The following GRIN1 variants were observed in gnomAD, a reference collection of about 807,000 sequenced individuals.
The protein encoded by GRIN1 is glutamate receptor ionotropic, NMDA 1.
In GRIN1, 38 loss-of-function variants were observed where a neutral mutation model predicts 103.0. The observed-to-expected ratio is 0.37, with a 90% CI of 0.28 to 0.48. The LOEUF is 0.48. Ranked by LOEUF, GRIN1 falls within the 20% of genes least tolerant of loss-of-function variation. The pLI is 0.98. For synonymous variants in GRIN1, 544 were observed against 532.7 expected (o/e 1.02, Z -0.29); for missense variants, 577 against 1,288.9 (o/e 0.45, Z 8.46).
At chr9:137,165,532 G>T in intron 19 of GRIN1, 1 of 560,934 alleles carries the variant, frequency 1.8e-6, no homozygotes. Flanking sequence ...TAGTCTGCCC[G>T]CCCACCTCCC....
chr9:137,161,582 C>T (rs1833544752), intron 10 of GRIN1, among the ~76,000 whole-genome samples, 166 bp downstream of exon 10: 1 of 100,438 alleles, frequency 1.0e-5, no homozygotes, highest in South Asian at 3.6e-4. Context: ...GTGGGTAAAG[C>T]ATGGGGTGGG....
chr9:137,150,572 C>G (rs1481979590), intron 4 of GRIN1, among the ~76,000 whole-genome samples: 1 of 143,092 alleles, frequency 7.0e-6, no homozygotes, highest in Non-Finnish European at 1.5e-5. Context: ...AAGACCTGCC[C>G]AGGGAAAGCC....
rs748581581 is a variant in GRIN1, at chr9:137,158,361, C to T, written c.969-18C>T. On this transcript the variant is annotated intron_variant, in intron 6 of 19. Coordinates refer to ENST00000371561, the MANE Select transcript of GRIN1 (RefSeq NM_007327.4). ...AAGGAGCATCTCTGAGAAGCCTCAGCTATGCTTCCTTCCCTAGAGTGCTGA... is the reference window on the plus strand; with the variant it reads ...AAGGAGCATCTCTGAGAAGCCTCAGTTATGCTTCCTTCCCTAGAGTGCTGA... 1.9e-6 allele frequency: 3 copies of T among 1,612,708 alleles called. No individual in the cohort carries two copies. In the South Asian group the frequency reaches 3.3e-5, roughly 18 times the overall value.
intron 2 of GRIN1, among the ~76,000 whole-genome samples, chr9:137,143,357 G>A (rs1347465971): frequency 3.3e-5 from 5 of 152,228 alleles, no homozygotes; most frequent in South Asian, 2.1e-4. Flanking sequence ...GTGCCCCCTC[G>A]GCACCCAAAC....
chr9:137,161,039 C>A lies in GRIN1; in HGVS notation c.1198-17C>A, dbSNP rs780815757. The stretch of plus-strand genomic sequence containing the variant: ...CTTAGGTCGGTGGTCCAGGCTGGGT[C>A]TCCCCTTCCCCCCCAGATTGTGACG... On this transcript the variant is annotated splice_polypyrimidine_tract_variant and intron_variant, in intron 8 of 19. Transcript: ENST00000371561. 2.5e-6 allele frequency: 4 copies of A among 1,612,482 alleles called. 1 individual carries two copies. In the Admixed American group the frequency reaches 6.7e-5, roughly 27 times the overall value.
intron 15 of GRIN1, 33 bp from the exon 16 acceptor site, chr9:137,163,136 C>A (rs749120748): frequency 6.2e-7 from 1 of 1,609,552 alleles, no homozygotes; most frequent in Non-Finnish European, 8.5e-7. Context: ...GCTGGCAGGA[C>A]CAAGGCCCCC....
Position 137,156,739 on chromosome 9 carries a change from C to A in GRIN1, c.742C>A (p.Leu248Met). 1 of 1,587,532 alleles carries A rather than the reference C, an allele frequency of 6.3e-7. No individual in the cohort carries two copies. The highest frequency in any genetic ancestry group is 8.6e-7 in the Non-Finnish European group (1 of 1,168,300). ...CATGACGGGCTCCGGGTACGTGTGG[C>A]TGGTCGGCGAGCGCGAGATCTCGGG... ...LNMTGSGYVW[L>M]VGEREISGNA... The change falls in exon 5 of 20, where the codon CTG becomes ATG. Residue 248 changes from leucine to methionine, a missense_variant. This residue lies in a region of GRIN1 where 308 missense variants were observed against 553.6 expected (regional missense o/e 0.56). Coordinates refer to ENST00000371561, the MANE Select transcript of GRIN1 (RefSeq NM_007327.4).
Position 137,156,688 on chromosome 9 carries a change from G to C in GRIN1, c.691G>C (p.Val231Leu), listed in dbSNP as rs1472478100. The C allele has an allele frequency of 6.3e-7, 1 of 1,599,044 alleles. No individual in the cohort carries two copies. Among genetic ancestry groups the C allele is most frequent in the African/African-American group, 1.3e-5 (1 of 74,678 alleles). ...CCACAGCGAGGACGATGCTGCCACT[G>C]TATACCGCGCAGCCGCGATGCTGAA... is the stretch of plus-strand genomic sequence containing the variant. ...LSASEDDAAT[V>L]YRAAAMLNMT... Residue 231 changes from valine to leucine, a missense_variant, in exon 5 of 20, where the codon GTA becomes CTA. Transcript: ENST00000371561.
At chr9:137,148,084 C>T (rs945023730) in intron 3 of GRIN1, 72 of 1,060,580 alleles carry the variant, frequency 6.8e-5, no homozygotes, top group Non-Finnish European at 9.0e-5. Flanking sequence ...GCTTTAGCGC[C>T]GTCATTTTCA....
rs769694271 is a variant in GRIN1 at position 137,142,050 on chromosome 9, A to G, written c.296A>G (p.Asn99Ser). Residue 99 changes from asparagine (N) to serine (S), a missense_variant, in exon 2 of 20, where the codon AAC becomes AGC. Asn to Ser is a conservative substitution (Grantham distance 46, BLOSUM62 1). Coordinates refer to ENST00000371561, the MANE Select transcript of GRIN1 (RefSeq NM_007327.4). ...CTAGTTAGCCATCCACCTACCCCCA[A>G]CGACCACTTCACTCCCACCCCTGTC... ...AILVSHPPTP[N>S]DHFTPTPVSY... The G allele has an allele frequency of 1.2e-6, 2 of 1,613,750 alleles. No homozygotes were observed. The highest frequency in any genetic ancestry group is 1.7e-6 in the Non-Finnish European group (2 of 1,179,858).
In GRIN1 at chr9:137,146,973, C is replaced by G. The variant is rs1014618209; in HGVS notation, c.570+1071C>G. 6.6e-6 allele frequency among the ~76,000 whole-genome samples: 1 copy of G among 151,638 alleles called. No individual in the cohort carries two copies. The highest frequency in any genetic ancestry group is 2.1e-4 in the South Asian group (1 of 4,808). On this transcript the variant is annotated intron_variant, in intron 3 of 19. Coordinates refer to ENST00000371561, the MANE Select transcript of GRIN1 (RefSeq NM_007327.4). The surrounding 1 kb of genome is among the most constrained non-coding windows in gnomAD (Gnocchi z 6.7). ...GGGGAGGGGCATGGGCACCAAGGGC[C>G]CCACCCAAGACAGTGCCCCTCACCC... is the stretch of plus-strand genomic sequence containing the variant.
intron 19 of GRIN1, 132 bp from the exon 20 acceptor site, chr9:137,167,279 C>T: frequency 1.4e-6 from 1 of 718,784 alleles, no homozygotes; most frequent in Non-Finnish European, 2.5e-6. Flanking sequence ...AGGGTGGGGT[C>T]AGTCCGGCTG....
chr9:137,158,355 C>A, intron 6 of GRIN1, 24 bp from the exon 7 acceptor site: 1 of 1,612,112 alleles, frequency 6.2e-7, no homozygotes, highest in Non-Finnish European at 8.5e-7. Context: ...CTCTGAGAAG[C>A]CTCAGCTATG....
In GRIN1 at chr9:137,139,197, A is replaced by AGCC. The variant is rs763024426; in HGVS notation, c.-273_-271dup. ...GGACCGGAACCAGCGCCGTCCGCGG[A>AGCC]GCCGCCGCCGCCGCCGCCGGGCCCT... On this transcript the variant is annotated 5_prime_UTR_variant, in exon 1 of 20. Transcript: ENST00000371561. This position sits in a 1 kb window ranked among gnomAD's most constrained non-coding sequence, Gnocchi z 7.7. 5.4e-4 allele frequency: 85 copies of AGCC among 157,778 alleles called. No individual in the cohort carries two copies. Among genetic ancestry groups the AGCC allele is most frequent in the East Asian group, 3.2e-3 (17 of 5,334 alleles). 9.8% of individuals were successfully genotyped at this position (157,778 alleles called of 1,614,324 possible). A position where few individuals can be genotyped will look rare whatever the true frequency, so the allele number is the denominator to read the frequency against.
rs1833691374 is a variant in GRIN1 at position 137,163,675 on chromosome 9, TCTC to T, written c.2443+10_2443+12del. 6.2e-7 allele frequency: 1 copy of T among 1,613,084 alleles called. No homozygotes were observed. The highest frequency in any genetic ancestry group is 8.5e-7 in the Non-Finnish European group (1 of 1,179,452). ...ACTTTTGAGAACATGGCCGGTGCGT[TCTC>T]CTTCATCCATTCTCGGGTGGGTTCT... On this transcript the variant is annotated splice_region_variant and intron_variant, in intron 17 of 19. Coordinates refer to ENST00000371561, the MANE Select transcript of GRIN1 (RefSeq NM_007327.4).
chr9:137,161,113 A>G lies in GRIN1; in HGVS notation c.1255A>G (p.Thr419Ala), dbSNP rs763133592. 43 of 1,612,720 alleles carry G rather than the reference A, an allele frequency of 2.7e-5. No homozygotes were observed. Among genetic ancestry groups the G allele is most frequent in the Non-Finnish European group, 3.6e-5 (42 of 1,179,886 alleles). ...VYVKPTLSDG[T>A]CKEEFTVNGD... ...CGTCAAGCCCACGCTGAGTGATGGG[A>G]CATGCAAGGAGGAGTTCACAGTCAA... Residue 419 changes from threonine to alanine, a missense_variant, in exon 9 of 20, where the codon ACA becomes GCA. This residue lies in a region of GRIN1 where 96 missense variants were observed against 145.0 expected (regional missense o/e 0.66). Transcript: ENST00000371561.
intron 1 of GRIN1, among the ~76,000 whole-genome samples, chr9:137,141,746 C>T (rs1196955285): frequency 6.6e-6 from 1 of 152,194 alleles, no homozygotes; most frequent in Non-Finnish European, 1.5e-5. Flanking sequence ...ATCCCAAGGG[C>T]AGTCCTTCAC....
Position 137,139,223 on chromosome 9 carries a change from T to C in GRIN1, c.-264T>C, listed in dbSNP as rs1373593767. 9 of 165,382 alleles carry C rather than the reference T, an allele frequency of 5.4e-5. No individual in the cohort carries two copies. Among genetic ancestry groups the C allele is most frequent in the Non-Finnish European group, 5.2e-5 (4 of 76,796 alleles). The allele number at this position is 165,382 out of a possible 1,614,324, so 10.2% of individuals were successfully genotyped here. On this transcript the variant is annotated 5_prime_UTR_variant, in exon 1 of 20. Transcript: ENST00000371561. The surrounding 1 kb of genome is among the most constrained non-coding windows in gnomAD (Gnocchi z 7.7). The stretch of plus-strand genomic sequence containing the variant: ...GCCGCCGCCGCCGCCGCCGGGCCCT[T>C]TCCAAGCCGGGCGCTCGGAGCTGTG...
intron 8 of GRIN1, 45 bp from the exon 9 acceptor site, chr9:137,161,011 A>G (rs202215369): frequency 2.1e-5 from 34 of 1,611,342 alleles, no homozygotes; most frequent in Non-Finnish European, 2.5e-5. Flanking sequence ...CGCCCTGGGC[A>G]GCCTTAGGTC....
Sources: allele counts gnomAD v4.1 joint callset (sites outside exome capture counted in the v4.1 genomes callset), GRCh38; gene constraint gnomAD v4.1.1; regional missense constraint gnomAD v4.1.1; non-coding constraint Gnocchi (gnomAD v3.1); transcripts MANE v1.5; gene names NCBI Gene and HGNC (gene_info 2026-07-23, HGNC 2026-07-21).